TMEM120B: variants seen among roughly 807,000 people sequenced by gnomAD.
TMEM120B encodes transmembrane protein 120B.
In TMEM120B, 31 loss-of-function variants were observed where a neutral mutation model predicts 55.5. That is an observed-to-expected ratio of 0.56 (90% CI 0.42 to 0.75). The LOEUF (loss-of-function observed/expected upper bound fraction) is 0.75, where lower values mean the gene tolerates loss of function less well. TMEM120B is among the 30% of genes least tolerant of loss of function. TMEM120B has a pLI of 0.00. For synonymous variants in TMEM120B, 203 were observed against 176.3 expected (o/e 1.15, Z -1.20); for missense variants, 399 against 425.5 (o/e 0.94, Z 0.55).
intron 5 of TMEM120B, chr12:121,759,045 C>T: frequency 1.0e-6 from 1 of 984,370 alleles, no homozygotes; most frequent in Non-Finnish European, 1.2e-6. Context: ...ACAAAGTTTA[C>T]AGATGGTTTA....
intron 1 of TMEM120B, among the ~76,000 whole-genome samples, chr12:121,728,502 A>G (rs914041953): frequency 1.7e-4 from 26 of 151,590 alleles, no homozygotes; most frequent in African/African-American, 5.3e-4. Context: ...AAAAAAAAAA[A>G]AGAGAATGGG....
At chr12:121,729,243 G>A (rs1020173102) in intron 1 of TMEM120B, among the ~76,000 whole-genome samples, 3 of 152,356 alleles carry the variant, frequency 2.0e-5, no homozygotes, top group Non-Finnish European at 4.4e-5. Context: ...GAGGCTTGCA[G>A]TGCCTCCGTT....
chr12:121,775,816 G>C lies in TMEM120B; in HGVS notation c.*94G>C. 1 of 1,374,370 alleles carries C rather than the reference G, an allele frequency of 7.3e-7. No individual in the cohort carries two copies. Among genetic ancestry groups the C allele is most frequent in the South Asian group, 1.2e-5 (1 of 83,966 alleles). 85.1% of individuals were successfully genotyped at this position (1,374,370 alleles called of 1,614,324 possible). A position where few individuals can be genotyped will look rare whatever the true frequency, so the allele number is the denominator to read the frequency against. ...CCCTCTCAGGCCCGTGGCATCGCTG[G>C]GAGAGGGCCCAGGCCCTGGTCCCCC... On this transcript the variant is annotated 3_prime_UTR_variant, in exon 12 of 12. Transcript: ENST00000449592. The surrounding 1 kb of genome is among the most constrained non-coding windows in gnomAD (Gnocchi z 4.3).
At chr12:121,714,557 CTTTTTTTTTTTTTTT>C (rs897759057) in intron 1 of TMEM120B, among the ~76,000 whole-genome samples, 1 of 100,196 alleles carries the variant, frequency 1.0e-5, no homozygotes, top group African/African-American at 4.0e-5. Flanking sequence ...TCAGCCACTT[CTTTTTTTTTTTTTTT>C]TTTTTTTTGA....
rs569638944 is a variant in TMEM120B, at chr12:121,733,678, C to T, written c.70-9951C>T. Among the ~76,000 whole-genome samples the T allele has an allele frequency of 1.2e-4, 18 of 151,994 alleles. No individual in the cohort carries two copies. In the East Asian group the frequency reaches 3.5e-3, roughly 29 times the overall value. On this transcript the variant is annotated intron_variant, in intron 1 of 11. Transcript: ENST00000449592. The stretch of plus-strand genomic sequence containing the variant: ...TCAGCCTCCCAAGTAACTGGGATTA[C>T]AGGTGTGCACCATCATGCCTGGCTA...
intron 5 of TMEM120B, among the ~76,000 whole-genome samples, chr12:121,757,190 C>T (rs1019914079): frequency 6.6e-6 from 1 of 151,100 alleles, no homozygotes; most frequent in Non-Finnish European, 1.5e-5. Flanking sequence ...GAGACAGAGT[C>T]TCACTCTGTC....
rs1170892656 is a variant in TMEM120B, at chr12:121,776,160, C to T, written c.*438C>T. On this transcript the variant is annotated 3_prime_UTR_variant, in exon 12 of 12. Coordinates refer to ENST00000449592, the MANE Select transcript of TMEM120B (RefSeq NM_001080825.2). The stretch of plus-strand genomic sequence containing the variant: ...GGTGTGAACCCTCAGTGTCCTGTGG[C>T]GCCCCCACCCCGGGGCCACTCTGCT... 3.0e-5 allele frequency: 11 copies of T among 363,596 alleles called. No homozygotes were observed. The highest frequency in any genetic ancestry group is 7.6e-5 in the South Asian group (1 of 13,088). The allele number at this position is 363,596 out of a possible 1,614,324, so 22.5% of individuals were successfully genotyped here. A position where few individuals can be genotyped will look rare whatever the true frequency, so the allele number is the denominator to read the frequency against.
chr12:121,733,331 G>A lies in TMEM120B; in HGVS notation c.70-10298G>A, dbSNP rs1403622896. 4.0e-5 allele frequency among the ~76,000 whole-genome samples: 6 copies of A among 151,852 alleles called. No individual in the cohort carries two copies. In the South Asian group the frequency reaches 6.2e-4, roughly 16 times the overall value. ...ATGATCTCGGCTCACTGCAAGCTCC[G>A]CCTCCTGGGTTCACACCATTCTCCT... On this transcript the variant is annotated intron_variant, in intron 1 of 11. Coordinates refer to ENST00000449592, the MANE Select transcript of TMEM120B (RefSeq NM_001080825.2).
At chr12:121,727,524 G>C (rs956704664) in intron 1 of TMEM120B, among the ~76,000 whole-genome samples, 1 of 128,980 alleles carries the variant, frequency 7.8e-6, no homozygotes, top group African/African-American at 3.0e-5. Flanking sequence ...ATGACAGAGA[G>C]AGACCCTGTC....
chr12:121,738,442 C>G (rs749540122), intron 1 of TMEM120B, among the ~76,000 whole-genome samples: 5 of 152,266 alleles, frequency 3.3e-5, no homozygotes, highest in Admixed American at 2.0e-4. Context: ...CAAAGGCCAC[C>G]AGGAGGGGTG....
chr12:121,726,742 T>TA (rs1175479901), intron 1 of TMEM120B, among the ~76,000 whole-genome samples: 3 of 150,592 alleles, frequency 2.0e-5, no homozygotes, highest in Admixed American at 6.6e-5. Flanking sequence ...CTGTCTCTAC[T>TA]AAAAAAATAC....
At chr12:121,721,554 C>T (rs1894788101) in intron 1 of TMEM120B, among the ~76,000 whole-genome samples, 1 of 151,674 alleles carries the variant, frequency 6.6e-6, no homozygotes, top group South Asian at 2.1e-4. Flanking sequence ...TCACTGCAAC[C>T]TCCGCCTTCT....
rs774573311 is a variant in TMEM120B at position 121,738,506 on chromosome 12, G to A, written c.70-5123G>A. 5.0e-4 allele frequency among the ~76,000 whole-genome samples: 76 copies of A among 152,088 alleles called. 1 individual carries two copies. Among genetic ancestry groups the A allele is most frequent in the Non-Finnish European group, 1.2e-4 (8 of 68,020 alleles). ...AGGCCAGGGCCCCGTCTTCCCCAAG[G>A]TTGCATCATCTGGGCAGGATCTCTC... is the stretch of plus-strand genomic sequence containing the variant. On this transcript the variant is annotated intron_variant, in intron 1 of 11. Transcript: ENST00000449592.
Position 121,712,879 on chromosome 12 carries a change from C to A in TMEM120B, c.-17C>A. Reference sequence around the variant, plus strand: ...GCGGGAGCAGCCGCCGGCACCGCCGCCTTGCACCATCGCATCATGTCCGGG... The same window carrying A: ...GCGGGAGCAGCCGCCGGCACCGCCGACTTGCACCATCGCATCATGTCCGGG... On this transcript the variant is annotated 5_prime_UTR_variant, in exon 1 of 12. Transcript: ENST00000449592. The A allele has an allele frequency of 6.6e-7, 1 of 1,513,478 alleles. No individual in the cohort carries two copies. Among genetic ancestry groups the A allele is most frequent in the Non-Finnish European group, 8.8e-7 (1 of 1,136,502 alleles). The allele number at this position is 1,513,478 out of a possible 1,614,324, so 93.8% of individuals were successfully genotyped here. A position where few individuals can be genotyped will look rare whatever the true frequency, so the allele number is the denominator to read the frequency against.
chr12:121,748,596 C>A (rs1023783974), intron 3 of TMEM120B, among the ~76,000 whole-genome samples, 154 bp downstream of exon 3: 9 of 152,070 alleles, frequency 5.9e-5, no homozygotes, highest in African/African-American at 2.2e-4. Flanking sequence ...CTTACACATT[C>A]CTCCATGAGC....
At position 121,775,368 on chromosome 12, in the gene TMEM120B, G is replaced by C. The variant is rs374762220; in HGVS notation, c.906+238G>C. The C allele has an allele frequency of 1.5e-5, 14 of 943,240 alleles. No individual in the cohort carries two copies. In the African/African-American group the frequency reaches 2.5e-4, roughly 17 times the overall value. The allele number at this position is 943,240 out of a possible 1,614,324, so 58.4% of individuals were successfully genotyped here. ...TGGCGGGAGGCTTCTGGAAGGGCTA[G>C]GGGTGGAGCCTCTCCCAATCTGTGG... On this transcript the variant is annotated intron_variant, in intron 11 of 11. Coordinates refer to ENST00000449592, the MANE Select transcript of TMEM120B (RefSeq NM_001080825.2). This position sits in a 1 kb window ranked among gnomAD's most constrained non-coding sequence, Gnocchi z 4.3.
intron 1 of TMEM120B, among the ~76,000 whole-genome samples, chr12:121,734,931 A>AG (rs907712447): frequency 6.6e-6 from 1 of 151,894 alleles, no homozygotes; most frequent in African/African-American, 2.4e-5. Flanking sequence ...GAAAAAAAAA[A>AG]GGACATTAAT....
intron 3 of TMEM120B, 147 bp from the exon 4 acceptor site, chr12:121,750,233 G>C (rs1353291813): frequency 1.4e-6 from 1 of 735,916 alleles, no homozygotes; most frequent in African/African-American, 1.7e-5. Context: ...CTCACTCGAT[G>C]TGGGGGCCCA....
rs1359691948 is a variant in TMEM120B, at chr12:121,780,824, G to T, written c.*5102G>T. On this transcript the variant is annotated 3_prime_UTR_variant, in exon 12 of 12. Transcript: ENST00000449592. ...CCAGTTGCAGAGGCCAAAGGTCCGGGAGGCTTCACAGCCACGGCTGTGCCC... is the reference window on the plus strand; with the variant it reads ...CCAGTTGCAGAGGCCAAAGGTCCGGTAGGCTTCACAGCCACGGCTGTGCCC... 6.3e-7 allele frequency: 1 copy of T among 1,585,086 alleles called. No individual in the cohort carries two copies. The highest frequency in any genetic ancestry group is 8.6e-7 in the Non-Finnish European group (1 of 1,167,084).
Sources: gnomAD v4.1 joint callset for allele counts (sites outside exome capture counted in the v4.1 genomes callset) on GRCh38, gnomAD v4.1.1 for gene constraint, Gnocchi (gnomAD v3.1) non-coding constraint, MANE v1.5 for transcripts, NCBI Gene and HGNC (gene_info 2026-07-23, HGNC 2026-07-21) for gene names.